Variants in GALNTL6 observed in about 807,000 individuals in gnomAD.
The protein encoded by GALNTL6 is polypeptide N-acetylgalactosaminyltransferase-like 6.
In GALNTL6, 46 loss-of-function variants were observed where a neutral mutation model predicts 73.7. The ratio of observed to expected loss-of-function variants is 0.62; its 90% CI spans 0.49 to 0.80. GALNTL6 has a LOEUF of 0.80. GALNTL6 is among the 30% of genes least tolerant of loss of function. The probability of loss-of-function intolerance (pLI) is 0.00; values close to 1 mark genes in which losing one functional copy is unlikely to be tolerated. For synonymous variants in GALNTL6, 259 were observed against 263.7 expected, an observed-to-expected ratio of 0.98 and a Z score of 0.17; for missense variants, 604 against 755.0, an observed-to-expected ratio of 0.80 and a Z score of 2.34.
intron 2 of GALNTL6, among the ~76,000 whole-genome samples, chr4:172,118,467 A>G (rs1273349036): frequency 6.6e-6 from 1 of 152,164 alleles, no homozygotes; most frequent in East Asian, 1.9e-4. Flanking sequence ...GGGGAGGCCA[A>G]GGCGGGTGGA....
intron 5 of GALNTL6, among the ~76,000 whole-genome samples, chr4:172,560,072 A>T (rs1380863585): frequency 6.6e-6 from 1 of 152,188 alleles, no homozygotes; most frequent in East Asian, 1.9e-4. Context: ...TGTTTATTAA[A>T]ATAAGAGAGT....
At chr4:172,359,604 A>G (rs4692918) in intron 5 of GALNTL6, among the ~76,000 whole-genome samples, 146,052 of 152,238 alleles carry the variant, frequency 0.96, 70,331 homozygotes, top group East Asian at 1. Context: ...CATTACCCCT[A>G]CTGGAGGTAT....
chr4:171,869,924 C>T (rs1736088632), intron 2 of GALNTL6, among the ~76,000 whole-genome samples: 1 of 152,126 alleles, frequency 6.6e-6, no homozygotes, highest in South Asian at 2.1e-4. Context: ...ACCTCTTTTT[C>T]TTTATAAATT....
rs1734423483 is a variant in GALNTL6, at chr4:172,509,607, A to G, written c.553+160918A>G. ...GATTTAAGTCTTTGATCCATCTTGA[A>G]TTGATTTGTGTATAAGGTGAGAGAT... On this transcript the variant is annotated intron_variant, in intron 5 of 12. Coordinates refer to ENST00000506823, the MANE Select transcript of GALNTL6 (RefSeq NM_001034845.3). 3.6e-5 allele frequency among the ~76,000 whole-genome samples: 2 copies of G among 55,264 alleles called. 1 individual carries two copies. The highest frequency in any genetic ancestry group is 5.1e-4 in the Admixed American group (2 of 3,950). The allele number at this position is 55,264 out of a possible 152,430, so 36.3% of individuals were successfully genotyped here. A position where few individuals can be genotyped will look rare whatever the true frequency, so the allele number is the denominator to read the frequency against.
At chr4:171,839,968 T>A (rs1051753459) in intron 2 of GALNTL6, among the ~76,000 whole-genome samples, 1 of 152,162 alleles carries the variant, frequency 6.6e-6, no homozygotes, top group African/African-American at 2.4e-5. Context: ...TTGTAATTTA[T>A]TTAAGTATTT....
chr4:172,195,966 C>CA (rs1387217508), intron 2 of GALNTL6, among the ~76,000 whole-genome samples: 13 of 127,392 alleles, frequency 1.0e-4, no homozygotes, highest in African/African-American at 1.5e-4. Flanking sequence ...AACAGAGACA[C>CA]AAAAAACCTT....
chr4:172,738,100 A>G (rs750052571), intron 5 of GALNTL6, among the ~76,000 whole-genome samples: 1 of 152,180 alleles, frequency 6.6e-6, no homozygotes, highest in African/African-American at 2.4e-5. Context: ...GGCAGTCATG[A>G]TGCTACTCAT....
At chr4:171,892,376 T>G (rs1736786859) in intron 2 of GALNTL6, among the ~76,000 whole-genome samples, 1 of 152,176 alleles carries the variant, frequency 6.6e-6, no homozygotes. Context: ...GGGACACATG[T>G]GTATGCTACT....
At chr4:172,630,560 A>G (rs976569839) in intron 5 of GALNTL6, among the ~76,000 whole-genome samples, 4 of 152,020 alleles carry the variant, frequency 2.6e-5, no homozygotes, top group African/African-American at 9.7e-5. Context: ...GAGCCTGTGA[A>G]ATAGCCATTA....
intron 5 of GALNTL6, among the ~76,000 whole-genome samples, chr4:172,610,905 A>G (rs1382385599): frequency 6.6e-6 from 1 of 152,014 alleles, no homozygotes; most frequent in Non-Finnish European, 1.5e-5. Flanking sequence ...ATAGTTGGGT[A>G]TTCTTGTTGA....
chr4:172,477,434 G>C (rs1444505122), intron 5 of GALNTL6, among the ~76,000 whole-genome samples: 1 of 152,044 alleles, frequency 6.6e-6, no homozygotes, highest in Non-Finnish European at 1.5e-5. Flanking sequence ...CAGGCTTCAG[G>C]CTTAGACACA....
chr4:172,131,255 T>C (rs1040051189), intron 2 of GALNTL6, among the ~76,000 whole-genome samples: 8 of 151,358 alleles, frequency 5.3e-5, no homozygotes, highest in Non-Finnish European at 1.0e-4. Context: ...CGAAATCTCT[T>C]CCTTTTTGTA....
At chr4:172,910,915 C>T (rs1747163804) in intron 8 of GALNTL6, among the ~76,000 whole-genome samples, 1 of 152,182 alleles carries the variant, frequency 6.6e-6, no homozygotes, top group Non-Finnish European at 1.5e-5. Flanking sequence ...ACACAACTCA[C>T]AGATTTGTAG....
At chr4:172,075,457 C>G (rs143336258) in intron 2 of GALNTL6, among the ~76,000 whole-genome samples, 2,541 of 152,148 alleles carry the variant, frequency 0.017, 63 homozygotes, top group African/African-American at 0.055. Flanking sequence ...GCCTCAGCCT[C>G]CCGAGTAGCT....
chr4:172,895,397 TATA>T (rs201622119), intron 8 of GALNTL6, among the ~76,000 whole-genome samples: 5,871 of 149,100 alleles, frequency 0.039, 304 homozygotes, highest in African/African-American at 0.12. Context: ...TATATATATA[TATA>T]TATTTTTTTT....
chr4:172,402,777 C>T (rs335998), intron 5 of GALNTL6, among the ~76,000 whole-genome samples: 132,198 of 152,050 alleles, frequency 0.87, 57,468 homozygotes, highest in South Asian at 0.89. Context: ...ATCATTTTAC[C>T]AGGTATCAGA....
chr4:172,040,379 T>G (rs971435886), intron 2 of GALNTL6, among the ~76,000 whole-genome samples: 1 of 152,068 alleles, frequency 6.6e-6, no homozygotes, highest in East Asian at 1.9e-4. Context: ...AAGAACTTTG[T>G]TTTTTTATGC....
At chr4:172,318,930 C>T (rs7690794) in intron 4 of GALNTL6, among the ~76,000 whole-genome samples, 23,906 of 151,900 alleles carry the variant, frequency 0.16, 2,061 homozygotes, top group Middle Eastern at 0.19. Flanking sequence ...AAACTGAAAG[C>T]GTAGGTTTGA....
chr4:171,840,720 A>G (rs1336635833), intron 2 of GALNTL6, among the ~76,000 whole-genome samples: 9 of 152,152 alleles, frequency 5.9e-5, no homozygotes, highest in Non-Finnish European at 1.0e-4. Context: ...GTTTCGTGTA[A>G]CAATATATAA....
Sources: allele counts gnomAD v4.1 joint callset (sites outside exome capture counted in the v4.1 genomes callset), GRCh38; gene constraint gnomAD v4.1.1; transcripts MANE v1.5; gene names NCBI Gene and HGNC (gene_info 2026-07-23, HGNC 2026-07-21).